The following HS6ST3 variants were observed in gnomAD, a reference collection of about 807,000 sequenced individuals.
HS6ST3 encodes the protein heparan-sulfate 6-O-sulfotransferase 3.
In HS6ST3, 12 loss-of-function variants were observed where a neutral mutation model predicts 36.7. The ratio of observed to expected loss-of-function variants is 0.33; its 90% CI spans 0.21 to 0.53. The LOEUF (loss-of-function observed/expected upper bound fraction) is 0.53. Among genes scored for constraint, HS6ST3 ranks in the 20% least tolerant of loss-of-function variants. HS6ST3 has a pLI of 0.95. For missense variants in HS6ST3, 584 were observed against 640.9 expected, an observed-to-expected ratio of 0.91 and a Z score of 0.96; for synonymous variants, 240 against 257.5, an observed-to-expected ratio of 0.93 and a Z score of 0.65.
chr13:96,755,126 C>T (rs1480879032), intron 1 of HS6ST3, among the ~76,000 whole-genome samples: 1 of 152,030 alleles, frequency 6.6e-6, no homozygotes, highest in Non-Finnish European at 1.5e-5. Context: ...ATTTTCTTCA[C>T]CCCAGAAAGT....
chr13:96,583,013 G>T, intron 1 of HS6ST3, among the ~76,000 whole-genome samples: 1 of 151,880 alleles, frequency 6.6e-6, no homozygotes, highest in South Asian at 2.1e-4. Flanking sequence ...GCCACTCCAT[G>T]CATGAACGCT....
At chr13:96,275,668 A>C (rs1594740331) in intron 1 of HS6ST3, among the ~76,000 whole-genome samples, 1 of 152,182 alleles carries the variant, frequency 6.6e-6, no homozygotes, top group East Asian at 1.9e-4. Flanking sequence ...TAAAACACAC[A>C]TCCATAAGCT....
intron 1 of HS6ST3, among the ~76,000 whole-genome samples, chr13:96,618,030 T>A (rs2056480702): frequency 2.0e-5 from 3 of 152,208 alleles, no homozygotes; most frequent in Admixed American, 1.3e-4. Flanking sequence ...CAGACAAACT[T>A]GAGCTTGCAC....
At chr13:96,787,094 G>T (rs1000537722) in intron 1 of HS6ST3, among the ~76,000 whole-genome samples, 1 of 152,158 alleles carries the variant, frequency 6.6e-6, no homozygotes, top group East Asian at 1.9e-4. Flanking sequence ...CCATTGTATG[G>T]ATGCCCCACA....
At chr13:96,666,147 CAGG>C (rs1163238612) in intron 1 of HS6ST3, among the ~76,000 whole-genome samples, 2 of 152,092 alleles carry the variant, frequency 1.3e-5, no homozygotes, top group Non-Finnish European at 1.5e-5. Context: ...TACATGGTGA[CAGG>C]AGGAGAAGTG....
At chr13:96,508,313 T>C (rs2056034962) in intron 1 of HS6ST3, among the ~76,000 whole-genome samples, 1 of 152,086 alleles carries the variant, frequency 6.6e-6, no homozygotes, top group Non-Finnish European at 1.5e-5. Flanking sequence ...ATTCCATAAC[T>C]GGCTGGATCT....
intron 1 of HS6ST3, among the ~76,000 whole-genome samples, chr13:96,492,235 A>G (rs1192985463): frequency 2.6e-5 from 4 of 152,116 alleles, no homozygotes; most frequent in Admixed American, 2.6e-4. Context: ...TTTGCTGCTA[A>G]ATTCACCCAT....
intron 1 of HS6ST3, among the ~76,000 whole-genome samples, chr13:96,420,021 A>G (rs2055555321): frequency 6.6e-6 from 1 of 152,208 alleles, no homozygotes; most frequent in Non-Finnish European, 1.5e-5. Flanking sequence ...TTATGCTATC[A>G]TTCATAAAAA....
chr13:96,341,689 G>C (rs114523323), intron 1 of HS6ST3, among the ~76,000 whole-genome samples: 1 of 152,080 alleles, frequency 6.6e-6, no homozygotes, highest in Non-Finnish European at 1.5e-5. Flanking sequence ...AATGGAGATC[G>C]ATGGGCTCTT....
At chr13:96,681,056 A>G (rs1024668867) in intron 1 of HS6ST3, among the ~76,000 whole-genome samples, 2 of 152,192 alleles carry the variant, frequency 1.3e-5, no homozygotes, top group Admixed American at 6.5e-5. Context: ...AACGTGCCAT[A>G]TAGATATTTG....
At chr13:96,381,934 T>C (rs774207623) in intron 1 of HS6ST3, among the ~76,000 whole-genome samples, 7 of 151,942 alleles carry the variant, frequency 4.6e-5, no homozygotes, top group Non-Finnish European at 8.8e-5. Context: ...CCATGCAGGG[T>C]TGTCACACAG....
At chr13:96,092,400 G>A (rs1594673232) in intron 1 of HS6ST3, among the ~76,000 whole-genome samples, 1 of 152,162 alleles carries the variant, frequency 6.6e-6, no homozygotes, top group Non-Finnish European at 1.5e-5. Context: ...TAATACAGTG[G>A]AGAATTAAGA....
chr13:96,542,647 G>A (rs908297039), intron 1 of HS6ST3, among the ~76,000 whole-genome samples: 3 of 152,050 alleles, frequency 2.0e-5, no homozygotes, highest in Non-Finnish European at 4.4e-5. Flanking sequence ...ATGAACTTCA[G>A]CAAACTAGTA....
chr13:96,692,243 T>G (rs1874984171), intron 1 of HS6ST3, among the ~76,000 whole-genome samples: 1 of 152,110 alleles, frequency 6.6e-6, no homozygotes, highest in Non-Finnish European at 1.5e-5. Context: ...CTTCCTCAGA[T>G]ACCAAAATCC....
intron 1 of HS6ST3, among the ~76,000 whole-genome samples, chr13:96,687,647 T>C (rs1264675319): frequency 6.6e-6 from 1 of 151,976 alleles, no homozygotes; most frequent in Non-Finnish European, 1.5e-5. Context: ...CAGTACACAC[T>C]ATGATCTGTA....
chr13:96,721,597 C>A (rs919603331), intron 1 of HS6ST3, among the ~76,000 whole-genome samples: 5 of 152,048 alleles, frequency 3.3e-5, no homozygotes, highest in African/African-American at 1.2e-4. Context: ...TCAAGTCATC[C>A]CCAATGCTTT....
At chr13:96,494,840 CTT>C (rs1466313675) in intron 1 of HS6ST3, among the ~76,000 whole-genome samples, 6 of 152,190 alleles carry the variant, frequency 3.9e-5, no homozygotes, top group Non-Finnish European at 8.8e-5. Flanking sequence ...CTTATCTGTG[CTT>C]TGGCATCACT....
intron 1 of HS6ST3, among the ~76,000 whole-genome samples, chr13:96,816,465 C>A (rs1878424261): frequency 6.6e-6 from 1 of 152,192 alleles, no homozygotes; most frequent in Non-Finnish European, 1.5e-5. Context: ...CAGAACATGT[C>A]TCTTGGGAGC....
intron 1 of HS6ST3, among the ~76,000 whole-genome samples, chr13:96,588,476 C>T (rs1182500842): frequency 3.3e-5 from 5 of 151,860 alleles, no homozygotes; most frequent in Admixed American, 2.6e-4. Context: ...TTTTCTGCAT[C>T]TGTTGAAATG....
Sources: allele counts gnomAD v4.1 joint callset (sites outside exome capture counted in the v4.1 genomes callset), GRCh38; gene constraint gnomAD v4.1.1; transcripts MANE v1.5; gene names NCBI Gene and HGNC (gene_info 2026-07-23, HGNC 2026-07-21).